The following GM2A variants were observed in gnomAD, a reference collection of about 807,000 sequenced individuals.
The protein encoded by GM2A is GM2 ganglioside activator.
A neutral mutation model predicts 12.9 loss-of-function variants in GM2A; 7 were observed. The observed-to-expected ratio is 0.54, with a 90% CI of 0.31 to 1.02. GM2A has a LOEUF of 1.02. GM2A is among the 50% of genes least tolerant of loss of function. The probability of loss-of-function intolerance (pLI) is 0.05; values close to 1 mark genes in which losing one functional copy is unlikely to be tolerated. For synonymous variants in GM2A, 101 were observed against 96.0 expected, an observed-to-expected ratio of 1.05 and a Z score of -0.30; for missense variants, 246 against 241.0, an observed-to-expected ratio of 1.02 and a Z score of -0.14.
rs759623712 is a variant in GM2A, at chr5:151,267,364, C to T, written c.495C>T (p.Thr165=). 2.5e-5 allele frequency: 41 copies of T among 1,614,036 alleles called. No individual in the cohort carries two copies. The highest frequency in any genetic ancestry group is 8.0e-5 in the African/African-American group (6 of 74,912). ...TGGAGCTGCCCAGTTGGCTCACCAC[C>T]GGGAACTACCGCATAGAGAGCGTCC... is the stretch of plus-strand genomic sequence containing the variant. ...PDLELPSWLT[T]GNYRIESVLS... is the part of the protein sequence containing the mutation. The change falls in exon 4 of 4, where the codon ACC becomes ACT. Residue 165 remains threonine (T), a synonymous_variant. Coordinates refer to ENST00000357164, the MANE Select transcript of GM2A (RefSeq NM_000405.5).
intron 1 of GM2A, among the ~76,000 whole-genome samples, chr5:151,254,398 A>C (rs545333309): frequency 6.6e-6 from 1 of 152,274 alleles, no homozygotes; most frequent in Non-Finnish European, 1.5e-5. Flanking sequence ...CCCAGGCTGG[A>C]GTGCAGTGGG....
Position 151,266,858 on chromosome 5 carries a change from C to T in GM2A, c.371C>T (p.Pro124Leu). The change falls in exon 3 of 4, where the codon CCC becomes CTC. Residue 124 changes from proline (P) to leucine (L), a missense_variant. Pro to Leu is a moderately conservative substitution (Grantham distance 98, BLOSUM62 -3). Coordinates refer to ENST00000357164, the MANE Select transcript of GM2A (RefSeq NM_000405.5). Reference protein sequence around the residue: ...VLDMLIPTGEPCPEPLRTYGL... With the variant: ...VLDMLIPTGELCPEPLRTYGL... ...GACATGTTAATTCCTACTGGGGAGCCCTGCCCAGAGCCCCTGCGTACCTAT... is the reference window on the plus strand; with the variant it reads ...GACATGTTAATTCCTACTGGGGAGCTCTGCCCAGAGCCCCTGCGTACCTAT... 1.2e-6 allele frequency: 2 copies of T among 1,613,726 alleles called. No individual in the cohort carries two copies. The highest frequency in any genetic ancestry group is 1.7e-6 in the Non-Finnish European group (2 of 1,179,650).
intron 2 of GM2A, among the ~76,000 whole-genome samples, chr5:151,265,436 G>T (rs752592664): frequency 3.3e-5 from 5 of 152,192 alleles, no homozygotes; most frequent in African/African-American, 4.8e-5. Flanking sequence ...GAGCCTAGAG[G>T]CTGGGATTCC....
At position 151,269,186 on chromosome 5, in the gene GM2A, T is replaced by C. The variant is rs1390212355; in HGVS notation, c.*1735T>C. On this transcript the variant is annotated 3_prime_UTR_variant, in exon 4 of 4. Coordinates refer to ENST00000357164, the MANE Select transcript of GM2A (RefSeq NM_000405.5). ...CAACTTCTGAAACACACACCAGCCCTGAGTTCTGGGCTCATTTGAAGCCTG... is the reference window on the plus strand; with the variant it reads ...CAACTTCTGAAACACACACCAGCCCCGAGTTCTGGGCTCATTTGAAGCCTG... The C allele has an allele frequency of 8.1e-6, 8 of 985,200 alleles. No individual in the cohort carries two copies. Among genetic ancestry groups the C allele is most frequent in the Non-Finnish European group, 9.6e-6 (8 of 829,818 alleles). 61.0% of individuals were successfully genotyped at this position (985,200 alleles called of 1,614,324 possible).
chr5:151,263,230 T>C (rs1753830186), intron 2 of GM2A, among the ~76,000 whole-genome samples: 1 of 151,388 alleles, frequency 6.6e-6, no homozygotes, highest in Non-Finnish European at 1.5e-5. Flanking sequence ...GTAGCTGGGA[T>C]TATAGGCGTG....
chr5:151,253,403 G>T (rs116436311), intron 1 of GM2A, 106 bp downstream of exon 1: 5 of 784,198 alleles, frequency 6.4e-6, no homozygotes, highest in South Asian at 2.8e-5. Flanking sequence ...TCTAGAATTG[G>T]TTCTCTGCAC....
rs187403169 is a variant in GM2A, at chr5:151,265,656, C to T, written c.244-1075C>T. Among the ~76,000 whole-genome samples the T allele has an allele frequency of 3.8e-3, 575 of 152,286 alleles. 6 individuals are homozygous for T. The highest frequency in any genetic ancestry group is 6.3e-3 in the Non-Finnish European group (427 of 68,030). ...ACTAACACATGGTGACTGTTCAGCG[C>T]GTGCCCGGCACAACTGGGATGTCCA... On this transcript the variant is annotated intron_variant, in intron 2 of 3. Coordinates refer to ENST00000357164, the MANE Select transcript of GM2A (RefSeq NM_000405.5).
At position 151,269,987 on chromosome 5, in the gene GM2A, C is replaced by A. The variant is rs1753976971; in HGVS notation, c.*2536C>A. On this transcript the variant is annotated 3_prime_UTR_variant, in exon 4 of 4. Transcript: ENST00000357164. ...CCACAGCCGTTTCCCTCTGTTGGAT[C>A]TTCCAGCCTTATTCTCAACAGTTCA... 8.2e-7 allele frequency: 1 copy of A among 1,224,142 alleles called. No homozygotes were observed. The highest frequency in any genetic ancestry group is 1.0e-6 in the Non-Finnish European group (1 of 983,684). The allele number at this position is 1,224,142 out of a possible 1,614,324, so 75.8% of individuals were successfully genotyped here.
Position 151,267,430 on chromosome 5 carries a change from T to C in GM2A, c.561T>C (p.Ala187=). The change falls in exon 4 of 4, where the codon GCT becomes GCC. Residue 187 remains alanine, a synonymous_variant. Coordinates refer to ENST00000357164, the MANE Select transcript of GM2A (RefSeq NM_000405.5). ...AGCGTCTGGGCTGCATCAAGATCGC[T>C]GCCTCTCTAAAGGGCATATAACATG... The part of the protein sequence containing the change: ...SGKRLGCIKI[A]ASLKGI The C allele has an allele frequency of 6.2e-7, 1 of 1,614,170 alleles. No homozygotes were observed. Among genetic ancestry groups the C allele is most frequent in the Non-Finnish European group, 8.5e-7 (1 of 1,179,998 alleles).
chr5:151,262,577 C>T (rs1753816456), intron 2 of GM2A, among the ~76,000 whole-genome samples: 1 of 152,332 alleles, frequency 6.6e-6, no homozygotes, highest in East Asian at 1.9e-4. Flanking sequence ...GCTTTCAGCT[C>T]CCCTGCACCT....
At chr5:151,258,777 TG>T (rs1375118910) in intron 1 of GM2A, among the ~76,000 whole-genome samples, 1 of 152,044 alleles carries the variant, frequency 6.6e-6, no homozygotes, top group Non-Finnish European at 1.5e-5. Context: ...GAGTCAGTGA[TG>T]GGAGTGTTGA....
intron 2 of GM2A, 96 bp downstream of exon 2, chr5:151,260,012 A>C: frequency 1.1e-6 from 1 of 870,250 alleles, no homozygotes; most frequent in Non-Finnish European, 1.8e-6. Flanking sequence ...AGAATTTCAG[A>C]ATCCTGGATT....
rs1288436684 is a variant in GM2A at position 151,270,114 on chromosome 5, G to T, written c.*2663G>T. 8.1e-7 allele frequency: 1 copy of T among 1,231,248 alleles called. No individual in the cohort carries two copies. The allele number at this position is 1,231,248 out of a possible 1,614,324, so 76.3% of individuals were successfully genotyped here. A position where few individuals can be genotyped will look rare whatever the true frequency, so the allele number is the denominator to read the frequency against. ...GTTCCGTGAGGTTTCTTAGGGGTGGGGGATGAGGAGTTAAAGGTGGCATCT... is the reference window on the plus strand; with the variant it reads ...GTTCCGTGAGGTTTCTTAGGGGTGGTGGATGAGGAGTTAAAGGTGGCATCT... On this transcript the variant is annotated 3_prime_UTR_variant, in exon 4 of 4. Coordinates refer to ENST00000357164, the MANE Select transcript of GM2A (RefSeq NM_000405.5).
At position 151,259,895 on chromosome 5, in the gene GM2A, C is replaced by A; in HGVS notation, c.222C>A (p.Val74=). ...VTLSVMGSTS[V]PLSSPLKVDL... ...TCAGTGTCATGGGCAGCACCAGTGT[C>A]CCCCTGAGTTCTCCTCTGAAGGTGA... Residue 74 remains valine, a synonymous_variant, in exon 2 of 4, where the codon GTC becomes GTA. Transcript: ENST00000357164. The A allele has an allele frequency of 1.2e-6, 2 of 1,613,606 alleles. No individual in the cohort carries two copies. Among genetic ancestry groups the A allele is most frequent in the Non-Finnish European group, 1.7e-6 (2 of 1,179,650 alleles).
At chr5:151,253,444 T>A (rs1753628250) in intron 1 of GM2A, 147 bp downstream of exon 1, 2 of 705,618 alleles carry the variant, frequency 2.8e-6, no homozygotes, top group Middle Eastern at 2.3e-4. Flanking sequence ...AATTATGGGA[T>A]TCTGGTCTGT....
rs560610880 is a variant in GM2A at position 151,267,244 on chromosome 5, A to G, written c.427-52A>G. ...AATCCTAGCAGTGGCTCTAGGAGAA[A>G]GACCCCATCAGTAGGCTCCCACTGA... is the stretch of plus-strand genomic sequence containing the variant. On this transcript the variant is annotated intron_variant, in intron 3 of 3. Transcript: ENST00000357164. 4.3e-6 allele frequency: 7 copies of G among 1,613,084 alleles called. No homozygotes were observed. The South Asian group carries it at 7.7e-5, about 18-fold the overall frequency.
In GM2A at chr5:151,268,460, C is replaced by T; in HGVS notation, c.*1009C>T. On this transcript the variant is annotated 3_prime_UTR_variant, in exon 4 of 4. Transcript: ENST00000357164. ...AGCCACTACACCCAGCCGATTTTTC[C>T]TTTTTGATTAAAGATGCTATTACAA... 2 of 985,392 alleles carry T rather than the reference C, an allele frequency of 2.0e-6. No individual in the cohort carries two copies. Among genetic ancestry groups the T allele is most frequent in the Non-Finnish European group, 2.4e-6 (2 of 829,912 alleles). 61.0% of individuals were successfully genotyped at this position (985,392 alleles called of 1,614,324 possible).
chr5:151,268,861 A>C lies in GM2A; in HGVS notation c.*1410A>C, dbSNP rs181014044. 6.1e-6 allele frequency: 6 copies of C among 985,462 alleles called. No homozygotes were observed. In the Admixed American group the frequency reaches 3.7e-4, roughly 60 times the overall value. The allele number at this position is 985,462 out of a possible 1,614,324, so 61.0% of individuals were successfully genotyped here. On this transcript the variant is annotated 3_prime_UTR_variant, in exon 4 of 4. Transcript: ENST00000357164. Reference sequence around the variant, plus strand: ...CACAACCTCTGATCTCAGACCGTGCATGCCTTGTCCTCTTAAGACAACTCC... The same window carrying C: ...CACAACCTCTGATCTCAGACCGTGCCTGCCTTGTCCTCTTAAGACAACTCC...
intron 2 of GM2A, among the ~76,000 whole-genome samples, chr5:151,261,112 C>A (rs1753790997): frequency 6.6e-6 from 1 of 152,094 alleles, no homozygotes; most frequent in Non-Finnish European, 1.5e-5. Context: ...GCAGCCTTGA[C>A]CTCCTGGGCT....
Sources: gnomAD v4.1 joint callset for allele counts (sites outside exome capture counted in the v4.1 genomes callset) on GRCh38, gnomAD v4.1.1 for gene constraint, MANE v1.5 for transcripts, NCBI Gene and HGNC (gene_info 2026-07-23, HGNC 2026-07-21) for gene names.